The following AMPH variants were observed in gnomAD, a reference collection of about 807,000 sequenced individuals.
AMPH encodes the protein amphiphysin.
In AMPH, 49 loss-of-function variants were observed where a neutral mutation model predicts 99.1. That is an observed-to-expected ratio of 0.49 (90% CI 0.39 to 0.63). The LOEUF (loss-of-function observed/expected upper bound fraction) is 0.63, where lower values mean the gene tolerates loss of function less well. Ranked by LOEUF, AMPH falls within the 20% of genes least tolerant of loss-of-function variation. The pLI, the probability that AMPH is intolerant of heterozygous loss-of-function variation, is 0.00. For missense variants in AMPH, 759 were observed against 863.4 expected, an observed-to-expected ratio of 0.88 and a Z score of 1.52; for synonymous variants, 314 against 317.3, an observed-to-expected ratio of 0.99 and a Z score of 0.11.
chr7:38,463,324 C>A lies in AMPH; in HGVS notation c.750-211G>T, dbSNP rs115467584. 871 of 689,828 alleles carry A rather than the reference C, an allele frequency of 1.3e-3. 7 individuals are homozygous for A. The African/African-American group carries it at 0.013, about 10-fold the overall frequency. The allele number at this position is 689,828 out of a possible 1,614,324, so 42.7% of individuals were successfully genotyped here. ...TACAGAGACCTCATTCATGTATTAT[C>A]TTTTGTCTTCACAGTAGCCATGTTT... On this transcript the variant is annotated intron_variant, in intron 9 of 20. Transcript: ENST00000356264.
chr7:38,478,717 A>T (rs1788176451), intron 5 of AMPH, among the ~76,000 whole-genome samples: 2 of 152,200 alleles, frequency 1.3e-5, no homozygotes, highest in South Asian at 4.1e-4. Flanking sequence ...TGAAAAAGTC[A>T]ACAACAAAGA....
At chr7:38,500,172 G>A (rs538074895) in intron 3 of AMPH, among the ~76,000 whole-genome samples, 16 of 152,278 alleles carry the variant, frequency 1.1e-4, no homozygotes, top group Admixed American at 9.8e-4. Context: ...AGAGAGAAGG[G>A]TCCTGCAGTC....
intron 7 of AMPH, 96 bp downstream of exon 7, chr7:38,475,235 G>T: frequency 1.2e-6 from 1 of 814,820 alleles, no homozygotes; most frequent in Non-Finnish European, 2.0e-6. Flanking sequence ...GGACAGTGTT[G>T]AAATGTCACA....
At chr7:38,432,055 T>G in intron 13 of AMPH, 134 bp downstream of exon 13, 1 of 839,562 alleles carries the variant, frequency 1.2e-6, no homozygotes, top group Non-Finnish European at 2.1e-6. Context: ...AGTGGCCTAA[T>G]GATCATTCTA....
At chr7:38,529,330 A>G (rs1009018243) in intron 2 of AMPH, among the ~76,000 whole-genome samples, 1 of 152,230 alleles carries the variant, frequency 6.6e-6, no homozygotes. Flanking sequence ...AGCACTTGTA[A>G]AAACTTGCAT....
intron 1 of AMPH, among the ~76,000 whole-genome samples, chr7:38,583,688 G>A (rs146406557): frequency 1.3e-5 from 2 of 152,306 alleles, no homozygotes; most frequent in African/African-American, 2.4e-5. Context: ...CAGAGCCCCT[G>A]CCCCCAGGGA....
chr7:38,470,541 G>A (rs1787844897), intron 7 of AMPH, among the ~76,000 whole-genome samples: 1 of 151,952 alleles, frequency 6.6e-6, no homozygotes, highest in African/African-American at 2.4e-5. Context: ...CTACATCTCT[G>A]ATTAATTTTT....
intron 17 of AMPH, among the ~76,000 whole-genome samples, chr7:38,407,322 T>C (rs915649438): frequency 3.0e-5 from 3 of 98,924 alleles, no homozygotes; most frequent in Admixed American, 1.1e-4. Context: ...GAGAGAGGAA[T>C]CTATTAGGGA....
intron 2 of AMPH, among the ~76,000 whole-genome samples, chr7:38,506,248 A>G (rs1789319350): frequency 6.6e-6 from 1 of 152,236 alleles, no homozygotes; most frequent in Non-Finnish European, 1.5e-5. Context: ...CACCATCAAC[A>G]GAGGAAATGC....
At chr7:38,419,134 G>T (rs1785496608) in intron 16 of AMPH, among the ~76,000 whole-genome samples, 1 of 151,984 alleles carries the variant, frequency 6.6e-6, no homozygotes, top group Non-Finnish European at 1.5e-5. Flanking sequence ...TCTAATTAAT[G>T]CTGTGATTGG....
intron 11 of AMPH, among the ~76,000 whole-genome samples, chr7:38,456,798 T>C (rs892330844): frequency 2.6e-5 from 4 of 152,202 alleles, no homozygotes; most frequent in African/African-American, 9.7e-5. Flanking sequence ...TCAGCCTGTC[T>C]GGACTCACTA....
At chr7:38,545,109 T>C (rs1348036748) in intron 1 of AMPH, among the ~76,000 whole-genome samples, 1 of 152,228 alleles carries the variant, frequency 6.6e-6, no homozygotes, top group South Asian at 2.1e-4. Flanking sequence ...GAACCATACA[T>C]GTGCCAGCAA....
chr7:38,390,469 A>G (rs1784456549), intron 19 of AMPH, among the ~76,000 whole-genome samples: 1 of 152,222 alleles, frequency 6.6e-6, no homozygotes, highest in East Asian at 1.9e-4. Context: ...CAGAAGAAAT[A>G]ACATAATGAA....
At chr7:38,429,711 A>G (rs1785930454) in intron 14 of AMPH, 131 bp downstream of exon 14, 1 of 1,294,012 alleles carries the variant, frequency 7.7e-7, no homozygotes, top group African/African-American at 1.5e-5. Flanking sequence ...AAGTGATTAC[A>G]TTCATTGGCT....
chr7:38,600,797 A>C (rs1161717436), intron 1 of AMPH, among the ~76,000 whole-genome samples: 1 of 152,222 alleles, frequency 6.6e-6, no homozygotes, highest in Admixed American at 6.5e-5. Flanking sequence ...ATCTGCATTC[A>C]TGAGTTAGCT....
At position 38,454,536 on chromosome 7, in the gene AMPH, A is replaced by G. The variant is rs530006816; in HGVS notation, c.1017+6747T>C. Among the ~76,000 whole-genome samples, 12 of 152,072 alleles carry G rather than the reference A, an allele frequency of 7.9e-5. No individual in the cohort carries two copies. In the East Asian group the frequency reaches 1.5e-3, roughly 20 times the overall value. ...TCATGATAATTCTTGAGTCAATTAA[A>G]AAAAAAAACACAAAAAACAGCCACT... On this transcript the variant is annotated intron_variant, in intron 11 of 20. Coordinates refer to ENST00000356264, the MANE Select transcript of AMPH (RefSeq NM_001635.4).
At chr7:38,621,719 C>A (rs1412881887) in intron 1 of AMPH, among the ~76,000 whole-genome samples, 1 of 152,104 alleles carries the variant, frequency 6.6e-6, no homozygotes, top group Non-Finnish European at 1.5e-5. Flanking sequence ...ATGTAAATGA[C>A]CAAAATGGTG....
At chr7:38,527,794 A>T (rs538770237) in intron 2 of AMPH, among the ~76,000 whole-genome samples, 1 of 152,270 alleles carries the variant, frequency 6.6e-6, no homozygotes, top group South Asian at 2.1e-4. Flanking sequence ...CATTAGCGAG[A>T]ATGGACATCC....
At chr7:38,393,620 GAAT>G (rs1034367914) in intron 18 of AMPH, among the ~76,000 whole-genome samples, 63 of 149,432 alleles carry the variant, frequency 4.2e-4, no homozygotes, top group African/African-American at 1.4e-3. Context: ...ACAGTAATAA[GAAT>G]AATAAGATCT....
Sources: allele counts gnomAD v4.1 joint callset (sites outside exome capture counted in the v4.1 genomes callset), GRCh38; gene constraint gnomAD v4.1.1; transcripts MANE v1.5; gene names NCBI Gene and HGNC (gene_info 2026-07-23, HGNC 2026-07-21).